Variants in OXCT1 observed in about 807,000 individuals in gnomAD.
OXCT1 encodes the protein 3-oxoacid CoA-transferase 1.
Under a neutral mutation model 69.6 loss-of-function variants are expected in OXCT1, and 27 were observed. That is an observed-to-expected ratio of 0.39 (90% CI 0.29 to 0.54). The LOEUF is 0.54. OXCT1 is among the 20% of genes least tolerant of loss of function. OXCT1 has a pLI of 0.72. For synonymous variants in OXCT1, 202 were observed against 217.8 expected (o/e 0.93, Z 0.64); for missense variants, 437 against 650.2 (o/e 0.67, Z 3.57).
At chr5:41,775,675 C>T (rs1745087649) in intron 13 of OXCT1, among the ~76,000 whole-genome samples, 1 of 152,186 alleles carries the variant, frequency 6.6e-6, no homozygotes. Context: ...CTTTCCAACC[C>T]TCTAATCATG....
At chr5:41,753,648 T>A (rs894604002) in intron 14 of OXCT1, among the ~76,000 whole-genome samples, 3 of 152,104 alleles carry the variant, frequency 2.0e-5, no homozygotes, top group Admixed American at 6.6e-5. Flanking sequence ...CCCTCCTAGG[T>A]GCTCCTGTGC....
intron 13 of OXCT1, among the ~76,000 whole-genome samples, chr5:41,770,051 C>A (rs1026541140): frequency 2.0e-5 from 3 of 152,214 alleles, no homozygotes; most frequent in African/African-American, 7.2e-5. Context: ...TGAGCCACCA[C>A]GCCCAGCCCT....
At chr5:41,843,695 C>A in intron 5 of OXCT1, 1 of 409,458 alleles carries the variant, frequency 2.4e-6, no homozygotes, top group Non-Finnish European at 5.0e-6. Context: ...TCATCCCTAC[C>A]GCACCCCCTA....
intron 7 of OXCT1, among the ~76,000 whole-genome samples, chr5:41,833,866 A>C (rs1748218080): frequency 6.6e-6 from 1 of 151,980 alleles, no homozygotes; most frequent in Non-Finnish European, 1.5e-5. Flanking sequence ...TTCGAGACCA[A>C]CTTGGCCAAC....
At chr5:41,836,432 A>G (rs991199304) in intron 7 of OXCT1, among the ~76,000 whole-genome samples, 11 of 152,230 alleles carry the variant, frequency 7.2e-5, no homozygotes, top group African/African-American at 2.7e-4. Flanking sequence ...TGTAATGTTC[A>G]TATTGGTTTT....
intron 16 of OXCT1, among the ~76,000 whole-genome samples, chr5:41,735,795 T>C (rs565977171): frequency 3.6e-4 from 55 of 152,294 alleles, no homozygotes; most frequent in African/African-American, 1.3e-3. Flanking sequence ...AATTAAATGA[T>C]TATTTGGGCA....
At chr5:41,764,163 T>G (rs1242813209) in intron 13 of OXCT1, among the ~76,000 whole-genome samples, 1 of 152,126 alleles carries the variant, frequency 6.6e-6, no homozygotes, top group East Asian at 1.9e-4. Flanking sequence ...ATTCTTAAAT[T>G]TAATGCTTGT....
At chr5:41,828,235 G>A (rs1242286572) in intron 7 of OXCT1, among the ~76,000 whole-genome samples, 1 of 151,940 alleles carries the variant, frequency 6.6e-6, no homozygotes, top group African/African-American at 2.4e-5. Context: ...AGCCTCCCGA[G>A]TAGCTGGGAT....
chr5:41,793,936 T>C, intron 13 of OXCT1, 67 bp downstream of exon 13: 1 of 955,170 alleles, frequency 1.0e-6, no homozygotes, highest in South Asian at 1.3e-5. Flanking sequence ...CATGGCCCTT[T>C]TTCTTAGTAT....
intron 5 of OXCT1, among the ~76,000 whole-genome samples, chr5:41,845,427 T>C (rs1306756798): frequency 6.6e-6 from 1 of 152,132 alleles, no homozygotes; most frequent in Non-Finnish European, 1.5e-5. Context: ...CATTTATTCA[T>C]TCATTGTCAG....
At chr5:41,842,874 C>A in intron 5 of OXCT1, 93 bp from the exon 6 acceptor site, 1 of 879,114 alleles carries the variant, frequency 1.1e-6, no homozygotes, top group Non-Finnish European at 1.9e-6. Flanking sequence ...AGGATACAAG[C>A]CTACTGAGGG....
At position 41,743,182 on chromosome 5, in the gene OXCT1, G is replaced by A. The variant is rs557123373; in HGVS notation, c.1420-3691C>T. On this transcript the variant is annotated intron_variant, in intron 15 of 16. Coordinates refer to ENST00000196371, the MANE Select transcript of OXCT1 (RefSeq NM_000436.4). Reference sequence around the variant, plus strand: ...TAATGATTGCCATTCTAACTGGTGTGAGATGGTATCTCATTGTGGCTTTGA... The same window carrying A: ...TAATGATTGCCATTCTAACTGGTGTAAGATGGTATCTCATTGTGGCTTTGA... Among the ~76,000 whole-genome samples the A allele has an allele frequency of 1.6e-3, 247 of 152,314 alleles. 3 individuals are homozygous for A. The highest frequency in any genetic ancestry group is 1.3e-3 in the Non-Finnish European group (91 of 68,014).
intron 9 of OXCT1, among the ~76,000 whole-genome samples, 170 bp from the exon 10 acceptor site, chr5:41,803,333 CA>C (rs994416303): frequency 1.6e-4 from 24 of 150,206 alleles, no homozygotes; most frequent in African/African-American, 5.6e-4. Context: ...TGTAATTTTT[CA>C]AAAAAAAAGT....
At chr5:41,835,321 C>T (rs1748297811) in intron 7 of OXCT1, among the ~76,000 whole-genome samples, 1 of 152,060 alleles carries the variant, frequency 6.6e-6, no homozygotes, top group South Asian at 2.1e-4. Context: ...ATATATACAC[C>T]TACTATGTAT....
intron 5 of OXCT1, among the ~76,000 whole-genome samples, chr5:41,844,347 T>A (rs968682591): frequency 6.6e-5 from 10 of 152,178 alleles, no homozygotes; most frequent in African/African-American, 2.2e-4. Context: ...TTTTTGCAAA[T>A]CCAATGATTC....
intron 16 of OXCT1, among the ~76,000 whole-genome samples, chr5:41,733,199 C>CT (rs1449177972): frequency 1.4e-5 from 2 of 145,834 alleles, no homozygotes; most frequent in East Asian, 2.0e-4. Flanking sequence ...CATTTTCTTT[C>CT]TTTTTTTTAA....
At chr5:41,747,869 G>A (rs530671752) in intron 15 of OXCT1, among the ~76,000 whole-genome samples, 12 of 152,130 alleles carry the variant, frequency 7.9e-5, no homozygotes, top group Admixed American at 5.9e-4. Flanking sequence ...ACACTGCTGG[G>A]CAGCTTTTCT....
chr5:41,735,449 A>C lies in OXCT1; in HGVS notation c.1522-3679T>G, dbSNP rs543491318. Among the ~76,000 whole-genome samples the C allele has an allele frequency of 3.4e-4, 52 of 152,358 alleles. 1 individual carries two copies. The South Asian group carries it at 0.01, about 30-fold the overall frequency. On this transcript the variant is annotated intron_variant, in intron 16 of 16. Transcript: ENST00000196371. ...AGTGGTTGCCAAAGGCTGTGGAATT[A>C]GTGTTTAATGAGTAGTTTCAGAGCT...
chr5:41,839,363 T>G (rs979316088), intron 7 of OXCT1, among the ~76,000 whole-genome samples: 1 of 152,220 alleles, frequency 6.6e-6, no homozygotes, highest in Non-Finnish European at 1.5e-5. Context: ...CTATTGATTA[T>G]TTTAAGCTAT....
Sources: allele counts gnomAD v4.1 joint callset (sites outside exome capture counted in the v4.1 genomes callset), GRCh38; gene constraint gnomAD v4.1.1; transcripts MANE v1.5; gene names NCBI Gene and HGNC (gene_info 2026-07-23, HGNC 2026-07-21).